The following NAV2 variants were observed in gnomAD, a reference collection of about 807,000 sequenced individuals.
NAV2 encodes the protein neuron navigator 2.
NAV2 carries 54 observed loss-of-function variants against 223.2 expected under a neutral mutation model. The ratio of observed to expected loss-of-function variants is 0.24; its 90% CI spans 0.19 to 0.30. The LOEUF (loss-of-function observed/expected upper bound fraction) is 0.30, where lower values mean the gene tolerates loss of function less well. Among genes scored for constraint, NAV2 ranks in the 10% least tolerant of loss-of-function variants. NAV2 has a pLI of 1.00. For missense variants in NAV2, 2,806 were observed against 3,147.5 expected, an observed-to-expected ratio of 0.89 and a Z score of 2.60; for synonymous variants, 1,279 against 1,239.3, an observed-to-expected ratio of 1.03 and a Z score of -0.67.
intron 1 of NAV2, among the ~76,000 whole-genome samples, chr11:19,523,527 C>G (rs1044684402): frequency 6.6e-6 from 1 of 152,186 alleles, no homozygotes; most frequent in Admixed American, 6.5e-5. Context: ...TGAAGTTCTG[C>G]CTGAAGCTGG....
chr11:19,413,529 A>G (rs1294741520), intron 1 of NAV2, among the ~76,000 whole-genome samples: 2 of 152,220 alleles, frequency 1.3e-5, no homozygotes, highest in Non-Finnish European at 2.9e-5. Flanking sequence ...GAACTTCCAC[A>G]TCCTATCAAA....
intron 1 of NAV2, among the ~76,000 whole-genome samples, chr11:19,533,917 G>A (rs1045009087): frequency 1.5e-5 from 2 of 133,494 alleles, no homozygotes; most frequent in African/African-American, 4.2e-5. Flanking sequence ...CGTTTTAGCC[G>A]GGATGGTCTC....
At chr11:20,108,397 A>G (rs1053239993) in intron 36 of NAV2, among the ~76,000 whole-genome samples, 2 of 152,160 alleles carry the variant, frequency 1.3e-5, no homozygotes, top group Non-Finnish European at 2.9e-5. Flanking sequence ...TTCGGGGCCC[A>G]TAAGGCTGCC....
At position 19,892,425 on chromosome 11, in the gene NAV2, G is replaced by A; in HGVS notation, c.771-9G>A. The stretch of plus-strand genomic sequence containing the variant: ...CTGAATGCATTATCCTGTTGCTTTT[G>A]CATTTTAGACTTCCAGGTCCTACCG... On this transcript the variant is annotated splice_polypyrimidine_tract_variant and intron_variant, in intron 5 of 37. Transcript: ENST00000349880. 2 of 1,612,742 alleles carry A rather than the reference G, an allele frequency of 1.2e-6. No individual in the cohort carries two copies. The highest frequency in any genetic ancestry group is 1.7e-6 in the Non-Finnish European group (2 of 1,179,424).
chr11:19,911,663 T>A (rs1237347459), intron 6 of NAV2, among the ~76,000 whole-genome samples: 1 of 152,116 alleles, frequency 6.6e-6, no homozygotes, highest in South Asian at 2.1e-4. Context: ...TCTTCATCAG[T>A]TCCAAATTGA....
At chr11:19,894,241 C>T (rs1423408565) in intron 6 of NAV2, among the ~76,000 whole-genome samples, 1 of 152,132 alleles carries the variant, frequency 6.6e-6, no homozygotes, top group South Asian at 2.1e-4. Context: ...CCAGGCACTT[C>T]GGTTTCAGAA....
chr11:19,617,973 T>C (rs2135387065), intron 1 of NAV2, among the ~76,000 whole-genome samples: 1 of 152,264 alleles, frequency 6.6e-6, no homozygotes, highest in African/African-American at 2.4e-5. Flanking sequence ...CCTTCAAGAC[T>C]TGCCTAAAAC....
At chr11:20,100,741 A>C (rs986271171) in intron 31 of NAV2, among the ~76,000 whole-genome samples, 196 bp from the exon 32 acceptor site, 2 of 152,164 alleles carry the variant, frequency 1.3e-5, no homozygotes, top group Non-Finnish European at 2.9e-5. Flanking sequence ...CATGGCGTTG[A>C]TGAACAGGGA....
chr11:19,992,491 G>T (rs79931991), intron 11 of NAV2, among the ~76,000 whole-genome samples: 7,646 of 151,810 alleles, frequency 0.05, 598 homozygotes, highest in African/African-American at 0.17. Flanking sequence ...CCCTAATGTT[G>T]CCCAACTTCA....
intron 1 of NAV2, among the ~76,000 whole-genome samples, chr11:19,721,238 C>T (rs1432914501): frequency 6.6e-6 from 1 of 152,194 alleles, no homozygotes; most frequent in African/African-American, 2.4e-5. Flanking sequence ...AATACATATG[C>T]CATTTGACTC....
In NAV2 at chr11:19,933,353, C is replaced by T. The variant is rs1450189162; in HGVS notation, c.1109C>T (p.Thr370Met). The change falls in exon 7 of 38, where the codon ACG (threonine) becomes ATG (methionine). Residue 370 changes from threonine (T) to methionine (M), a missense_variant. Thr to Met is a moderately conservative substitution (Grantham distance 81). Coordinates refer to ENST00000349880, the MANE Select transcript of NAV2 (RefSeq NM_145117.5). This position sits in a 1 kb window ranked among gnomAD's most constrained non-coding sequence, Gnocchi z 4.3. ...SKSLSVKHSA[T>M]VSMLSVKPPG... ...TCCCTCAGCGTGAAGCACAGTGCCA[C>T]GGTATCCATGCTCTCGGTCAAGCCT... The T allele has an allele frequency of 8.7e-6, 14 of 1,605,286 alleles. No homozygotes were observed. The highest frequency in any genetic ancestry group is 2.2e-5 in the East Asian group (1 of 44,722).
intron 1 of NAV2, among the ~76,000 whole-genome samples, chr11:19,812,668 A>G (rs948031281): frequency 3.9e-5 from 6 of 152,080 alleles, no homozygotes; most frequent in South Asian, 2.1e-4. Flanking sequence ...ATTGCATTTC[A>G]TCCTACTTGG....
At chr11:19,722,547 A>G (rs900562825) in intron 1 of NAV2, among the ~76,000 whole-genome samples, 2 of 152,142 alleles carry the variant, frequency 1.3e-5, no homozygotes, top group Admixed American at 1.3e-4. Flanking sequence ...TTAGCCCCTC[A>G]GCTTGGACTG....
chr11:19,618,423 T>C (rs375938113), intron 1 of NAV2, among the ~76,000 whole-genome samples: 2 of 151,082 alleles, frequency 1.3e-5, no homozygotes. Context: ...GATGGATGGA[T>C]GGATGGATGG....
intron 3 of NAV2, among the ~76,000 whole-genome samples, chr11:19,863,355 G>A (rs1251891946): frequency 6.6e-6 from 1 of 151,950 alleles, no homozygotes; most frequent in East Asian, 1.9e-4. Flanking sequence ...GACTTTTTTT[G>A]GGTTCCAGAA....
Position 20,119,951 on chromosome 11 carries a change from C to G in NAV2, c.*1693C>G, listed in dbSNP as rs1048420232. ...CTACATGACCTTGCTGATACTTGTT[C>G]TAATAGAAACCCAGTCTGCTGTGTC... On this transcript the variant is annotated 3_prime_UTR_variant, in exon 38 of 38. Transcript: ENST00000349880. The G allele has an allele frequency of 4.6e-5, 7 of 152,142 alleles. No individual in the cohort carries two copies. Among genetic ancestry groups the G allele is most frequent in the Non-Finnish European group, 5.9e-5 (4 of 68,026 alleles). 9.4% of individuals were successfully genotyped at this position (152,142 alleles called of 1,614,324 possible). A position where few individuals can be genotyped will look rare whatever the true frequency, so the allele number is the denominator to read the frequency against.
chr11:19,997,002 G>A (rs1342634462), intron 11 of NAV2, among the ~76,000 whole-genome samples: 1 of 152,096 alleles, frequency 6.6e-6, no homozygotes, highest in African/African-American at 2.4e-5. Context: ...TGGAGAGAGA[G>A]ACTCACAAGC....
chr11:19,381,628 G>A (rs529008528), intron 1 of NAV2, among the ~76,000 whole-genome samples: 5 of 152,326 alleles, frequency 3.3e-5, no homozygotes, highest in African/African-American at 1.2e-4. Context: ...TGATGAAGGT[G>A]GTGGCAGGAT....
intron 1 of NAV2, among the ~76,000 whole-genome samples, chr11:19,676,883 C>G (rs922158981): frequency 6.6e-6 from 1 of 152,184 alleles, no homozygotes; most frequent in Non-Finnish European, 1.5e-5. Context: ...TTGGTTGGGT[C>G]TGGAGAGCTT....
Sources: allele counts gnomAD v4.1 joint callset (sites outside exome capture counted in the v4.1 genomes callset), GRCh38; gene constraint gnomAD v4.1.1; non-coding constraint Gnocchi (gnomAD v3.1); transcripts MANE v1.5; gene names NCBI Gene and HGNC (gene_info 2026-07-23, HGNC 2026-07-21).